TRAPPC12: variants seen among roughly 807,000 people sequenced by gnomAD.
TRAPPC12 encodes the protein TPR repeat protein 15.
TRAPPC12 carries 61 observed loss-of-function variants against 69.2 expected under a neutral mutation model. The ratio of observed to expected loss-of-function variants is 0.88; its 90% CI spans 0.72 to 1.09. TRAPPC12 has a LOEUF of 1.09. Among genes scored for constraint, TRAPPC12 ranks in the 50% least tolerant of loss-of-function variants. The pLI is 0.00. For synonymous variants in TRAPPC12, 469 were observed against 438.9 expected (o/e 1.07, Z -0.86); for missense variants, 1,101 against 1,016.4 (o/e 1.08, Z -1.13).
intron 6 of TRAPPC12, among the ~76,000 whole-genome samples, chr2:3,445,515 A>G (rs1298731658): frequency 1.3e-5 from 2 of 152,208 alleles, no homozygotes; most frequent in African/African-American, 4.8e-5. Context: ...ACCTGCACTT[A>G]CTCCACCTGA....
intron 4 of TRAPPC12, 67 bp downstream of exon 4, chr2:3,422,061 C>A: frequency 8.6e-7 from 1 of 1,167,732 alleles, no homozygotes; most frequent in Non-Finnish European, 1.2e-6. Context: ...TGGACAGGAC[C>A]ATGGCCTTTC....
Position 3,465,594 on chromosome 2 carries a change from C to A in TRAPPC12, c.1678-3C>A, listed in dbSNP as rs768677923. The A allele has an allele frequency of 6.2e-7, 1 of 1,611,884 alleles. No homozygotes were observed. Among genetic ancestry groups the A allele is most frequent in the Non-Finnish European group, 8.5e-7 (1 of 1,177,912 alleles). ...AAAGTACGTTGGGTTTTTCTTCCCA[C>A]AGGATTATGTGCTGGCCGTGGAGGC... On this transcript the variant is annotated splice_region_variant and splice_polypyrimidine_tract_variant and intron_variant, in intron 8 of 11. Coordinates refer to ENST00000324266, the MANE Select transcript of TRAPPC12 (RefSeq NM_016030.6).
At position 3,414,628 on chromosome 2, in the gene TRAPPC12, GCCTCACAGAGCTGTGTGCCAGCAGTGT is replaced by G. The variant is rs1662244512; in HGVS notation, c.1165-7238_1165-7212del. Reference sequence around the variant, plus strand: ...GTTTCCTGAATCCTCAGGCATCAGTGCCTCACAGAGCTGTGTGCCAGCAGTGTCCTCACAGAGCTGTCAAGCGTGTCC... The same window carrying G: ...GTTTCCTGAATCCTCAGGCATCAGTGCCTCACAGAGCTGTCAAGCGTGTCC... On this transcript the variant is annotated intron_variant, in intron 3 of 11. Coordinates refer to ENST00000324266, the MANE Select transcript of TRAPPC12 (RefSeq NM_016030.6). This position sits in a 1 kb window ranked among gnomAD's most constrained non-coding sequence, Gnocchi z 4.9. Among the ~76,000 whole-genome samples, 2 of 151,616 alleles carry G rather than the reference GCCTCACAGAGCTGTGTGCCAGCAGTGT, an allele frequency of 1.3e-5. No homozygotes were observed. Among genetic ancestry groups the G allele is most frequent in the Admixed American group, 1.3e-4 (2 of 15,202 alleles).
chr2:3,426,966 G>C (rs113834330), intron 5 of TRAPPC12, among the ~76,000 whole-genome samples: 2,041 of 152,276 alleles, frequency 0.013, 49 homozygotes, highest in African/African-American at 0.045. Flanking sequence ...TCGCCAATTT[G>C]AGGGTCATCC....
chr2:3,417,718 G>A (rs1159945498), intron 3 of TRAPPC12, among the ~76,000 whole-genome samples: 1 of 152,106 alleles, frequency 6.6e-6, no homozygotes, highest in Non-Finnish European at 1.5e-5. Context: ...TTCTTTCCAC[G>A]AGAATTAAAA....
chr2:3,457,700 C>T lies in TRAPPC12; in HGVS notation c.1603+7C>T, dbSNP rs769076289. On this transcript the variant is annotated splice_region_variant and intron_variant, in intron 7 of 11. Transcript: ENST00000324266. ...ACTCAGGAGGGCAGACAAGGTGGGT[C>T]GGCCGGACTTTGCTGACTAGATGCT... 3.7e-6 allele frequency: 6 copies of T among 1,609,092 alleles called. No homozygotes were observed. The highest frequency in any genetic ancestry group is 2.2e-5 in the East Asian group (1 of 44,870).
intron 5 of TRAPPC12, among the ~76,000 whole-genome samples, chr2:3,440,401 G>A (rs1426570089): frequency 6.6e-6 from 1 of 151,864 alleles, no homozygotes; most frequent in Non-Finnish European, 1.5e-5. Flanking sequence ...TAGCTCTTGT[G>A]CATATTTTGT....
intron 2 of TRAPPC12, among the ~76,000 whole-genome samples, chr2:3,397,110 T>C (rs1020436761): frequency 2.0e-5 from 3 of 152,250 alleles, no homozygotes; most frequent in Admixed American, 2.0e-4. Context: ...TTTACATGTC[T>C]AGTAATTTTT....
intron 3 of TRAPPC12, among the ~76,000 whole-genome samples, chr2:3,412,120 T>G (rs1336763284): frequency 6.6e-6 from 1 of 152,220 alleles, no homozygotes; most frequent in Non-Finnish European, 1.5e-5. Context: ...TTCCACAATT[T>G]TTTTGCATGC....
At chr2:3,455,205 G>A (rs1665079535) in intron 6 of TRAPPC12, 2 of 152,244 alleles carry the variant, frequency 1.3e-5, no homozygotes, top group African/African-American at 4.8e-5. Flanking sequence ...ACTAGCCTAA[G>A]GGAAGTCAGT....
At chr2:3,476,865 C>T (rs1458166022) in intron 9 of TRAPPC12, among the ~76,000 whole-genome samples, 4 of 152,242 alleles carry the variant, frequency 2.6e-5, no homozygotes, top group East Asian at 3.9e-4. Flanking sequence ...GATAACAGAG[C>T]TCGCTGTCAC....
chr2:3,408,638 T>A (rs76721750), intron 3 of TRAPPC12, among the ~76,000 whole-genome samples: 13 of 151,058 alleles, frequency 8.6e-5, no homozygotes, highest in East Asian at 5.8e-4. Context: ...AAAAAAAATT[T>A]AAAAAAAAAT....
chr2:3,470,040 A>T (rs1388273865), intron 9 of TRAPPC12, among the ~76,000 whole-genome samples: 1 of 152,106 alleles, frequency 6.6e-6, no homozygotes, highest in Non-Finnish European at 1.5e-5. Context: ...ATCAGCATTG[A>T]AGGTGGGAGA....
chr2:3,417,251 T>G (rs1196657087), intron 3 of TRAPPC12, among the ~76,000 whole-genome samples: 1 of 152,090 alleles, frequency 6.6e-6, no homozygotes, highest in Non-Finnish European at 1.5e-5. Flanking sequence ...GCGCTGTCCC[T>G]CAGATTTCCA....
chr2:3,387,150 G>T (rs773283860), intron 1 of TRAPPC12, among the ~76,000 whole-genome samples: 41 of 152,102 alleles, frequency 2.7e-4, no homozygotes, highest in Non-Finnish European at 4.9e-4. Context: ...ACAGATAGCT[G>T]GATAAACAAA....
At chr2:3,390,045 G>A (rs575632058) in intron 2 of TRAPPC12, among the ~76,000 whole-genome samples, 1 of 152,270 alleles carries the variant, frequency 6.6e-6, no homozygotes, top group East Asian at 1.9e-4. Flanking sequence ...GTGAAGAGGG[G>A]TAATCAATCA....
At chr2:3,409,640 C>G (rs543187964) in intron 3 of TRAPPC12, among the ~76,000 whole-genome samples, 1 of 151,036 alleles carries the variant, frequency 6.6e-6, no homozygotes, top group Non-Finnish European at 1.5e-5. Context: ...GTCCCAGCTA[C>G]TCGGGAAGCT....
intron 3 of TRAPPC12, chr2:3,421,551 G>A: frequency 2.0e-6 from 1 of 505,400 alleles, no homozygotes. Context: ...AAGGAAACCA[G>A]TCATATAGAT....
intron 6 of TRAPPC12, among the ~76,000 whole-genome samples, chr2:3,446,514 G>A (rs941906196): frequency 4.6e-5 from 7 of 152,328 alleles, no homozygotes; most frequent in African/African-American, 1.7e-4. Context: ...TTGCCTGTCC[G>A]CCACCTTTGG....
Sources: allele counts gnomAD v4.1 joint callset (sites outside exome capture counted in the v4.1 genomes callset), GRCh38; gene constraint gnomAD v4.1.1; non-coding constraint Gnocchi (gnomAD v3.1); transcripts MANE v1.5; gene names NCBI Gene and HGNC (gene_info 2026-07-23, HGNC 2026-07-21).